Variants in MTFMT observed in about 807,000 individuals in gnomAD.
MTFMT encodes methionyl-tRNA formyltransferase, mitochondrial.
Under a neutral mutation model 51.8 loss-of-function variants are expected in MTFMT, and 47 were observed. The ratio of observed to expected loss-of-function variants is 0.91; its 90% CI spans 0.72 to 1.16. The LOEUF is 1.16. Among genes scored for constraint, MTFMT ranks in the 50% most tolerant of loss-of-function variants. The pLI, the probability that MTFMT is intolerant of heterozygous loss-of-function variation, is 0.00. For synonymous variants in MTFMT, 196 were observed against 176.7 expected, an observed-to-expected ratio of 1.11 and a Z score of -0.87; for missense variants, 512 against 482.3, an observed-to-expected ratio of 1.06 and a Z score of -0.58.
chr15:65,014,380 A>G (rs890765931), intron 6 of MTFMT, among the ~76,000 whole-genome samples: 2 of 140,730 alleles, frequency 1.4e-5, no homozygotes, highest in Non-Finnish European at 3.0e-5. Flanking sequence ...GCTGGTGTGC[A>G]ATGTGCAATC....
At chr15:65,005,805 A>G (rs2086215818) in intron 7 of MTFMT, among the ~76,000 whole-genome samples, 1 of 152,074 alleles carries the variant, frequency 6.6e-6, no homozygotes. Flanking sequence ...ACGGGGCTTC[A>G]CCATGTCAGT....
In MTFMT at chr15:65,023,670, ACCTTTT is replaced by A; in HGVS notation, c.538_542+1del. 1 of 1,613,064 alleles carries A rather than the reference ACCTTTT, an allele frequency of 6.2e-7. No individual in the cohort carries two copies. On this transcript the variant is annotated splice_donor_variant and coding_sequence_variant, in exon 3 of 9. Coordinates refer to ENST00000220058, the MANE Select transcript of MTFMT (RefSeq NM_139242.4). LOFTEE classifies it high-confidence loss of function. ...ATCTCAAGAAAGGAAAATATGTGCT[ACCTTTT>A]AGGTCTAATTTGCATAATTGTTACT...
chr15:65,021,061 C>T (rs1023732487), intron 4 of MTFMT, among the ~76,000 whole-genome samples: 1 of 152,124 alleles, frequency 6.6e-6, no homozygotes, highest in African/African-American at 2.4e-5. Flanking sequence ...ATTATATATA[C>T]AAAGCCACAG....
At chr15:65,012,133 A>C (rs2086273741) in intron 6 of MTFMT, among the ~76,000 whole-genome samples, 1 of 49,402 alleles carries the variant, frequency 2.0e-5, no homozygotes, top group African/African-American at 7.4e-5. Context: ...TCTTGTCAAA[A>C]AAAAAAAAAA....
chr15:65,009,413 C>T (rs1254023598), intron 6 of MTFMT, among the ~76,000 whole-genome samples: 1 of 152,154 alleles, frequency 6.6e-6, no homozygotes, highest in Non-Finnish European at 1.5e-5. Context: ...CCCAAATGTT[C>T]CTCCCCAGAC....
intron 4 of MTFMT, among the ~76,000 whole-genome samples, chr15:65,020,496 T>C (rs2086365488): frequency 6.6e-6 from 1 of 152,200 alleles, no homozygotes; most frequent in African/African-American, 2.4e-5. Flanking sequence ...GCTGTGAGGA[T>C]AGGTGTCTAC....
In MTFMT at chr15:65,003,238, G is replaced by A. The variant is rs200286768; in HGVS notation, c.994C>T (p.Arg332Ter). The change falls in exon 9 of 9, where the codon CGA becomes TGA. Residue 332 changes from arginine (R) to a stop codon, truncating the protein, a stop_gained. Coordinates refer to ENST00000220058, the MANE Select transcript of MTFMT (RefSeq NM_139242.4). LOFTEE classifies it high-confidence loss of function. The part of the protein sequence containing the change: ...VYCKDGWIGV[R>*]SVMLKKSLTA... ...AGTGATTTCTTGAGCATCACTGATCGAACACCAATCCAACCATCCTAAAGG... is the reference window on the plus strand; with the variant it reads ...AGTGATTTCTTGAGCATCACTGATCAAACACCAATCCAACCATCCTAAAGG... The A allele has an allele frequency of 7.9e-5, 128 of 1,612,598 alleles. No individual in the cohort carries two copies. The highest frequency in any genetic ancestry group is 9.9e-5 in the Non-Finnish European group (117 of 1,179,184).
chr15:65,024,103 G>A (rs965985310), intron 2 of MTFMT, among the ~76,000 whole-genome samples: 3 of 152,034 alleles, frequency 2.0e-5, no homozygotes, highest in Non-Finnish European at 4.4e-5. Flanking sequence ...GAGGCGGGCG[G>A]ATCACTTGAG....
In MTFMT at chr15:65,026,995, T is replaced by G. The variant is rs571157439; in HGVS notation, c.255A>C (p.Thr85=). ...EELIDKLEVV[T]MPSPSPKGLP... Reference sequence around the variant, plus strand: ...GTCCTTTTGGTGATGGGGAAGGCATTGTGACCACCTCCAGTTTGTCGATTA... The same window carrying G: ...GTCCTTTTGGTGATGGGGAAGGCATGGTGACCACCTCCAGTTTGTCGATTA... Residue 85 remains threonine, a synonymous_variant, in exon 2 of 9, where the codon ACA becomes ACC. Transcript: ENST00000220058. 13 of 1,614,038 alleles carry G rather than the reference T, an allele frequency of 8.1e-6. No individual in the cohort carries two copies. The highest frequency in any genetic ancestry group is 6.7e-5 in the Admixed American group (4 of 60,026).
chr15:65,011,935 T>G (rs1204740287), intron 6 of MTFMT, among the ~76,000 whole-genome samples: 1 of 152,094 alleles, frequency 6.6e-6, no homozygotes, highest in Non-Finnish European at 1.5e-5. Context: ...CCTAATTCAA[T>G]GTCATGAATA....
At chr15:65,004,751 T>C (rs574062781) in intron 8 of MTFMT, 103 bp downstream of exon 8, 473 of 634,584 alleles carry the variant, frequency 7.5e-4, no homozygotes, top group Non-Finnish European at 1.0e-3. Context: ...TGACCCAATC[T>C]ATGGACAGGC....
intron 1 of MTFMT, 169 bp downstream of exon 1, chr15:65,029,236 G>A (rs1269453031): frequency 3.0e-5 from 29 of 982,102 alleles, no homozygotes; most frequent in Non-Finnish European, 3.5e-5. Context: ...AAGGCTGACC[G>A]GCGGGAATGG....
At chr15:65,003,538 G>A (rs934801238) in intron 8 of MTFMT, among the ~76,000 whole-genome samples, 1 of 152,120 alleles carries the variant, frequency 6.6e-6, no homozygotes, top group Admixed American at 6.5e-5. Context: ...TACAAAGGGA[G>A]CAGAATAAAA....
chr15:65,023,546 A>C (rs1187099872), intron 3 of MTFMT, 126 bp downstream of exon 3: 2 of 811,072 alleles, frequency 2.5e-6, no homozygotes, highest in African/African-American at 3.4e-5. Context: ...AGGATATAAA[A>C]GCAGAAGAAG....
chr15:65,017,036 C>A (rs2086329912), intron 5 of MTFMT, among the ~76,000 whole-genome samples: 1 of 150,880 alleles, frequency 6.6e-6, no homozygotes, highest in Non-Finnish European at 1.5e-5. Flanking sequence ...CCCGCCTCAT[C>A]CTCCCAAAGT....
chr15:65,018,845 A>G (rs2086346547), intron 5 of MTFMT, among the ~76,000 whole-genome samples: 1 of 152,212 alleles, frequency 6.6e-6, no homozygotes, highest in South Asian at 2.1e-4. Context: ...TGACACCAAA[A>G]TTGAAGGCAA....
At chr15:65,014,804 G>T (rs1004026566) in intron 6 of MTFMT, among the ~76,000 whole-genome samples, 3 of 150,322 alleles carry the variant, frequency 2.0e-5, no homozygotes, top group African/African-American at 7.4e-5. Context: ...ATTTTTTTGT[G>T]TGTTTTTAGT....
intron 2 of MTFMT, among the ~76,000 whole-genome samples, chr15:65,025,348 G>A (rs1339693885): frequency 1.3e-5 from 2 of 150,988 alleles, no homozygotes; most frequent in African/African-American, 4.9e-5. Flanking sequence ...AGTGAGTTAT[G>A]ATAGCAACAC....
chr15:65,019,410 T>C (rs1326397821), intron 5 of MTFMT, among the ~76,000 whole-genome samples: 1 of 151,800 alleles, frequency 6.6e-6, no homozygotes, highest in East Asian at 1.9e-4. Context: ...AAAAACAAAC[T>C]GAAACAAATG....
Sources: allele counts gnomAD v4.1 joint callset (sites outside exome capture counted in the v4.1 genomes callset), GRCh38; gene constraint gnomAD v4.1.1; transcripts MANE v1.5; gene names NCBI Gene and HGNC (gene_info 2026-07-23, HGNC 2026-07-21).